HNRNPA1: variants seen among roughly 807,000 people sequenced by gnomAD.
HNRNPA1 encodes the protein epididymis secretory sperm binding protein.
Under a neutral mutation model 44.4 loss-of-function variants are expected in HNRNPA1, and 7 were observed. The observed-to-expected ratio is 0.16, with a 90% CI of 0.09 to 0.30. The LOEUF is 0.30. Among genes scored for constraint, HNRNPA1 ranks in the 10% least tolerant of loss-of-function variants. The probability of loss-of-function intolerance (pLI) is 1.00; values close to 1 mark genes in which losing one functional copy is unlikely to be tolerated. For missense variants in HNRNPA1, 193 were observed against 465.8 expected (o/e 0.41, Z 5.39); for synonymous variants, 169 against 160.6 (o/e 1.05, Z -0.40).
At chr12:54,284,070 A>C in intron 9 of HNRNPA1, 103 bp downstream of exon 9, 1 of 1,399,750 alleles carries the variant, frequency 7.1e-7, no homozygotes, top group Non-Finnish European at 9.7e-7. Context: ...AAACGTTTAT[A>C]GTTTAGAACC....
chr12:54,283,591 C>CT (rs1565881382), intron 8 of HNRNPA1: 12 of 606,642 alleles, frequency 2.0e-5, no homozygotes, highest in East Asian at 2.8e-5. Flanking sequence ...CTGAAAATCT[C>CT]TTTATTTTAT....
chr12:54,283,977 C>T lies in HNRNPA1; in HGVS notation c.1063+10C>T, dbSNP rs953856612. The T allele has an allele frequency of 1.0e-5, 16 of 1,604,048 alleles. No homozygotes were observed. The highest frequency in any genetic ancestry group is 1.4e-5 in the Non-Finnish European group (16 of 1,179,828). ...AAACCACGAAACCAAGGTATGGTAT[C>T]TATGTAATTTTGGATAATGTCAAAA... On this transcript the variant is annotated intron_variant, in intron 9 of 10. Transcript: ENST00000340913.
chr12:54,280,889 T>C, intron 1 of HNRNPA1, 67 bp downstream of exon 1: 2 of 1,560,530 alleles, frequency 1.3e-6, no homozygotes, highest in Non-Finnish European at 1.8e-6. Context: ...AAGATGCTGC[T>C]GGGTTTCGTT....
chr12:54,284,507 AAT>A (rs1328057150), intron 10 of HNRNPA1, 40 bp from the exon 11 acceptor site: 1 of 721,626 alleles, frequency 1.4e-6, no homozygotes, highest in African/African-American at 1.7e-5. Context: ...CTTGAGTCTT[AAT>A]ATGTTTAGAT....
rs569078515 is a variant in HNRNPA1 at position 54,287,087 on chromosome 12, A to G, written c.*2543A>G. On this transcript the variant is annotated 3_prime_UTR_variant, in exon 11 of 11. Transcript: ENST00000340913. ...TTTTTTAATAAACTGTATTTAACTT[A>G]GTTCTGCTTGTTTTGTCCTCCTTTG... is the stretch of plus-strand genomic sequence containing the variant. 2 of 151,734 alleles carry G rather than the reference A, an allele frequency of 1.3e-5. No homozygotes were observed. The highest frequency in any genetic ancestry group is 2.1e-4 in the South Asian group (1 of 4,814). The allele number at this position is 151,734 out of a possible 1,614,324, so 9.4% of individuals were successfully genotyped here.
In HNRNPA1 at chr12:54,285,908, A is replaced by G. The variant is rs1274143109; in HGVS notation, c.*1364A>G. The G allele has an allele frequency of 6.6e-6, 1 of 151,690 alleles. No homozygotes were observed. Among genetic ancestry groups the G allele is most frequent in the Non-Finnish European group, 1.5e-5 (1 of 67,930 alleles). The allele number at this position is 151,690 out of a possible 1,614,324, so 9.4% of individuals were successfully genotyped here. On this transcript the variant is annotated 3_prime_UTR_variant, in exon 11 of 11. Transcript: ENST00000340913. ...GGTGGGAGGTGGTGGTGGGTGGGAA[A>G]GCATGGGTGATAGTTCCATGATACT...
At position 54,283,095 on chromosome 12, in the gene HNRNPA1, C is replaced by T. The variant is rs571389052; in HGVS notation, c.768C>T (p.Gly256=). The change falls in exon 8 of 11, where the codon GGC becomes GGT. Residue 256 remains glycine, a synonymous_variant. Transcript: ENST00000340913. ...TTCTTGTAGGTGGTTATGGAGGAGG[C>T]GGCCCTGGTTACTCTGGAGGAAGCA... ...GFGNDGGYGG[G]GPGYSGGSRG... The T allele has an allele frequency of 1.3e-5, 21 of 1,613,008 alleles. No individual in the cohort carries two copies. The highest frequency in any genetic ancestry group is 4.5e-5 in the East Asian group (2 of 44,886).
intron 1 of HNRNPA1, chr12:54,281,155 G>A (rs1363272269): frequency 4.3e-6 from 3 of 698,106 alleles, no homozygotes; most frequent in Non-Finnish European, 7.9e-6. Flanking sequence ...TACCGCCCAA[G>A]CCTTTGTTGC....
intron 5 of HNRNPA1, 21 bp from the exon 6 acceptor site, chr12:54,282,552 G>C: frequency 6.2e-7 from 1 of 1,612,276 alleles, no homozygotes; most frequent in Non-Finnish European, 8.5e-7. Flanking sequence ...ATGATTTAAT[G>C]CTTAAACTTC....
In HNRNPA1 at chr12:54,282,056, T is replaced by G; in HGVS notation, c.280-34T>G. 4 of 1,603,326 alleles carry G rather than the reference T, an allele frequency of 2.5e-6. No individual in the cohort carries two copies. The South Asian group carries it at 3.3e-5, about 13-fold the overall frequency. ...AAATTTTTTATTCGAGTATAGGCTT[T>G]GCTAATCTAAACCTATGGTTTTTCT... On this transcript the variant is annotated intron_variant, in intron 3 of 10. Transcript: ENST00000340913.
rs201410105 is a variant in HNRNPA1 at position 54,281,373 on chromosome 12, C to G, written c.16-13C>G. Reference sequence around the variant, plus strand: ...TGTAGCCCATTTAACACTTCCCCCTCCCCCCACTCTAGTCTCCTAAAGAGC... The same window carrying G: ...TGTAGCCCATTTAACACTTCCCCCTGCCCCCACTCTAGTCTCCTAAAGAGC... On this transcript the variant is annotated splice_polypyrimidine_tract_variant and intron_variant, in intron 1 of 10. Coordinates refer to ENST00000340913, the MANE Select transcript of HNRNPA1 (RefSeq NM_031157.4). 1,018 of 1,443,526 alleles carry G rather than the reference C, an allele frequency of 7.1e-4. No homozygotes were observed. Among genetic ancestry groups the G allele is most frequent in the Non-Finnish European group, 9.2e-4 (954 of 1,038,448 alleles). 89.4% of individuals were successfully genotyped at this position (1,443,526 alleles called of 1,614,324 possible). A position where few individuals can be genotyped will look rare whatever the true frequency, so the allele number is the denominator to read the frequency against.
At chr12:54,283,636 C>T in intron 8 of HNRNPA1, 176 bp from the exon 9 acceptor site, 1 of 669,068 alleles carries the variant, frequency 1.5e-6, no homozygotes, top group Admixed American at 2.7e-5. Flanking sequence ...CTTTGTATTA[C>T]TGGATTATTC....
chr12:54,280,791 C>T lies in HNRNPA1; in HGVS notation c.-17C>T, dbSNP rs750767129. On this transcript the variant is annotated 5_prime_UTR_variant, in exon 1 of 11. Coordinates refer to ENST00000340913, the MANE Select transcript of HNRNPA1 (RefSeq NM_031157.4). ...CGCCGAAGAAGCATCGTTAAAGTCT[C>T]TCTTCACCCTGCCGTCATGTCTAAG... is the stretch of plus-strand genomic sequence containing the variant. 21 of 1,614,096 alleles carry T rather than the reference C, an allele frequency of 1.3e-5. No homozygotes were observed. The highest frequency in any genetic ancestry group is 1.7e-5 in the Non-Finnish European group (20 of 1,180,030).
Position 54,281,456 on chromosome 12 carries a change from G to C in HNRNPA1, c.86G>C (p.Ser29Thr). ...GGLSFETTDE[S>T]LRSHFEQWGT... is the part of the protein sequence containing the mutation. ...TTGAGCTTTGAAACAACTGATGAGA[G>C]CCTGAGGAGCCATTTTGAGCAATGG... Residue 29 changes from serine to threonine, a missense_variant, in exon 2 of 11, where the codon AGC becomes ACC. Coordinates refer to ENST00000340913, the MANE Select transcript of HNRNPA1 (RefSeq NM_031157.4). The C allele has an allele frequency of 6.2e-7, 1 of 1,612,358 alleles. No individual in the cohort carries two copies. The highest frequency in any genetic ancestry group is 8.5e-7 in the Non-Finnish European group (1 of 1,178,768).
chr12:54,286,511 T>G lies in HNRNPA1; in HGVS notation c.*1967T>G, dbSNP rs1160601578. The G allele has an allele frequency of 6.6e-6, 1 of 152,174 alleles. No homozygotes were observed. Among genetic ancestry groups the G allele is most frequent in the Non-Finnish European group, 1.5e-5 (1 of 68,036 alleles). The allele number at this position is 152,174 out of a possible 1,614,324, so 9.4% of individuals were successfully genotyped here. A position where few individuals can be genotyped will look rare whatever the true frequency, so the allele number is the denominator to read the frequency against. On this transcript the variant is annotated 3_prime_UTR_variant, in exon 11 of 11. Transcript: ENST00000340913. ...ATTTTTGCCCTTTTATTTATCTTCCTTTGACCCATTTCCTTAAAATAATGG... is the reference window on the plus strand; with the variant it reads ...ATTTTTGCCCTTTTATTTATCTTCCGTTGACCCATTTCCTTAAAATAATGG...
chr12:54,282,056 T>C (rs765952425), intron 3 of HNRNPA1, 34 bp from the exon 4 acceptor site: 2 of 1,603,326 alleles, frequency 1.2e-6, no homozygotes, highest in Non-Finnish European at 1.7e-6. Context: ...GTATAGGCTT[T>C]GCTAATCTAA....
chr12:54,282,325 G>GT, intron 4 of HNRNPA1, 25 bp downstream of exon 4: 1 of 1,611,964 alleles, frequency 6.2e-7, no homozygotes, highest in Admixed American at 1.7e-5. Context: ...GTGGCATTTA[G>GT]TAAGGGTTCC....
Position 54,280,762 on chromosome 12 carries a change from A to C in HNRNPA1, c.-46A>C. On this transcript the variant is annotated 5_prime_UTR_variant, in exon 1 of 11. Transcript: ENST00000340913. The stretch of plus-strand genomic sequence containing the variant: ...TCAGCTTGCTCCTTTCTGCCCGTGG[A>C]CGCCGCCGAAGAAGCATCGTTAAAG... 2 of 1,613,436 alleles carry C rather than the reference A, an allele frequency of 1.2e-6. No individual in the cohort carries two copies. The highest frequency in any genetic ancestry group is 1.1e-5 in the South Asian group (1 of 91,064).
In HNRNPA1 at chr12:54,281,817, A is replaced by G. The variant is rs1162097034; in HGVS notation, c.155A>G (p.Lys52Arg). 1.2e-6 allele frequency: 2 copies of G among 1,612,378 alleles called. No homozygotes were observed. Among genetic ancestry groups the G allele is most frequent in the Non-Finnish European group, 1.7e-6 (2 of 1,179,616 alleles). The change falls in exon 3 of 11, where the codon AAG (lysine) becomes AGG (arginine). Residue 52 changes from lysine to arginine, a missense_variant. Lys to Arg is a conservative substitution (Grantham distance 26). Around this residue, in one of 2 missense-constraint regions of HNRNPA1, gnomAD observed 57 missense variants for 231.3 expected, o/e 0.25. Coordinates refer to ENST00000340913, the MANE Select transcript of HNRNPA1 (RefSeq NM_031157.4). ...DCVVMRDPNTKRSRGFGFVTY... is the reference protein window; with the variant it reads ...DCVVMRDPNTRRSRGFGFVTY... ...CAGGTAATGAGAGATCCAAACACCA[A>G]GCGCTCCAGGGGCTTTGGGTTTGTC... is the stretch of plus-strand genomic sequence containing the variant.
Sources: allele counts gnomAD v4.1 joint callset, GRCh38; gene constraint gnomAD v4.1.1; regional missense constraint gnomAD v4.1.1; transcripts MANE v1.5; gene names NCBI Gene and HGNC (gene_info 2026-07-23, HGNC 2026-07-21).